NOX4: variants seen among roughly 807,000 people sequenced by gnomAD.
The protein encoded by NOX4 is NADPH oxidase 4.
NOX4 carries 69 observed loss-of-function variants against 87.6 expected under a neutral mutation model. The observed-to-expected ratio is 0.79, with a 90% CI of 0.65 to 0.96. The LOEUF is 0.96. Ranked by LOEUF, NOX4 falls within the 40% of genes least tolerant of loss-of-function variation. The pLI is 0.00. For missense variants in NOX4, 680 were observed against 681.5 expected, an observed-to-expected ratio of 1.00 and a Z score of 0.02; for synonymous variants, 275 against 238.2, an observed-to-expected ratio of 1.15 and a Z score of -1.42.
At chr11:89,329,918 G>C (rs1018687446) in intron 17 of NOX4, among the ~76,000 whole-genome samples, 1 of 151,928 alleles carries the variant, frequency 6.6e-6, no homozygotes, top group African/African-American at 2.4e-5. Context: ...AAATTAGATA[G>C]AAATTTGAAT....
the NOX4 span, among the ~76,000 whole-genome samples, chr11:89,523,708 A>C: frequency 6.6e-6 from 1 of 152,196 alleles, no homozygotes; most frequent in African/African-American, 2.4e-5. Flanking sequence ...GTAGCCTCAA[A>C]TTAGAAGCAA....
chr11:89,460,527 C>A (rs1945411202), intron 2 of NOX4, among the ~76,000 whole-genome samples: 1 of 152,148 alleles, frequency 6.6e-6, no homozygotes, highest in Non-Finnish European at 1.5e-5. Context: ...CAAAAGAAGA[C>A]ATTTATGCAG....
In NOX4 at chr11:89,334,052, A is replaced by T. The variant is rs142463197; in HGVS notation, c.1616+1793T>A. Among the ~76,000 whole-genome samples, 565 of 151,900 alleles carry T rather than the reference A, an allele frequency of 3.7e-3. 2 individuals are homozygous for T. The highest frequency in any genetic ancestry group is 6.1e-3 in the Non-Finnish European group (416 of 67,772). On this transcript the variant is annotated intron_variant, in intron 17 of 17. Transcript: ENST00000263317. ...ACTAACTGTAGGAACCAACAGCCTC[A>T]ATCTATTTCCCTGTAAATAATCTGC...
the NOX4 span, among the ~76,000 whole-genome samples, chr11:89,538,201 A>T: frequency 6.6e-6 from 1 of 152,170 alleles, no homozygotes; most frequent in Admixed American, 6.5e-5. Context: ...CAACTTCCAA[A>T]ACCTGGCTGC....
chr11:89,373,767 A>G (rs971764601), intron 11 of NOX4, among the ~76,000 whole-genome samples: 15 of 152,098 alleles, frequency 9.9e-5, no homozygotes, highest in African/African-American at 2.9e-4. Context: ...TTTAACTACA[A>G]ATCTTGCTAA....
At chr11:89,557,481 C>T in the NOX4 span, among the ~76,000 whole-genome samples, 1 of 152,156 alleles carries the variant, frequency 6.6e-6, no homozygotes, top group East Asian at 1.9e-4. Flanking sequence ...CACTGGCACA[C>T]TGCTGAGTAG....
intron 11 of NOX4, among the ~76,000 whole-genome samples, chr11:89,393,061 T>C (rs995976953): frequency 5.3e-5 from 8 of 152,142 alleles, no homozygotes; most frequent in African/African-American, 1.7e-4. Flanking sequence ...CTGGAAGCTA[T>C]GTTGGACAAC....
At chr11:89,555,454 T>C in the NOX4 span, among the ~76,000 whole-genome samples, 2 of 152,320 alleles carry the variant, frequency 1.3e-5, no homozygotes, top group South Asian at 2.1e-4. Context: ...CACTACACTC[T>C]ACCTGGACAA....
At chr11:89,523,922 C>CA in the NOX4 span, among the ~76,000 whole-genome samples, 1 of 152,080 alleles carries the variant, frequency 6.6e-6, no homozygotes, top group Non-Finnish European at 1.5e-5. Flanking sequence ...TTTAAAAATA[C>CA]AAGCTAATCC....
At chr11:89,441,141 A>G (rs1326044308) in intron 5 of NOX4, among the ~76,000 whole-genome samples, 1 of 152,190 alleles carries the variant, frequency 6.6e-6, no homozygotes, top group Non-Finnish European at 1.5e-5. Context: ...CCAATAAAAT[A>G]TGTAGGGGAT....
chr11:89,556,517 C>T, the NOX4 span, among the ~76,000 whole-genome samples: 50 of 129,980 alleles, frequency 3.8e-4, no homozygotes, highest in East Asian at 0.012. Flanking sequence ...GGTGAAACTC[C>T]ATCAAGGGGA....
chr11:89,422,601 T>C (rs1943139255), intron 7 of NOX4, among the ~76,000 whole-genome samples: 1 of 152,040 alleles, frequency 6.6e-6, no homozygotes, highest in Admixed American at 6.6e-5. Context: ...CCTGGGTGGA[T>C]TTTATATATT....
intron 2 of NOX4, among the ~76,000 whole-genome samples, chr11:89,482,634 C>T (rs190951006): frequency 6.6e-6 from 1 of 152,046 alleles, no homozygotes; most frequent in African/African-American, 2.4e-5. Flanking sequence ...TTCCTTTAAA[C>T]CACCCAGTCT....
At chr11:89,340,788 T>C (rs186069628) in intron 14 of NOX4, among the ~76,000 whole-genome samples, 3 of 152,322 alleles carry the variant, frequency 2.0e-5, no homozygotes, top group Non-Finnish European at 4.4e-5. Flanking sequence ...TCTTCCTTTT[T>C]CATAACATTA....
chr11:89,329,441 T>G (rs556626097), intron 17 of NOX4, among the ~76,000 whole-genome samples: 1 of 131,828 alleles, frequency 7.6e-6, no homozygotes, highest in African/African-American at 2.9e-5. Context: ...AAAATACATG[T>G]AACTGCAGTC....
intron 8 of NOX4, among the ~76,000 whole-genome samples, chr11:89,413,510 C>A (rs1942596701): frequency 6.6e-6 from 1 of 152,028 alleles, no homozygotes; most frequent in South Asian, 2.1e-4. Flanking sequence ...AAAAGGAGAT[C>A]CTCTCATTTT....
At chr11:89,570,614 C>T in the NOX4 span, among the ~76,000 whole-genome samples, 2 of 152,186 alleles carry the variant, frequency 1.3e-5, no homozygotes, top group African/African-American at 4.8e-5. Context: ...GAAAGGATCA[C>T]TTGACCCCAG....
chr11:89,500,827 T>C (rs1947008640), upstream of NOX4, among the ~76,000 whole-genome samples: 1 of 152,140 alleles, frequency 6.6e-6, no homozygotes, highest in Admixed American at 6.6e-5. Flanking sequence ...AGAAATAAAC[T>C]GCTTTATTCA....
chr11:89,484,282 G>A (rs1486578937), intron 2 of NOX4, among the ~76,000 whole-genome samples: 1 of 152,056 alleles, frequency 6.6e-6, no homozygotes, highest in Non-Finnish European at 1.5e-5. Context: ...TTGAGCCTTA[G>A]AATTCTGAAA....
Sources: allele counts gnomAD v4.1 joint callset (sites outside exome capture counted in the v4.1 genomes callset), GRCh38; gene constraint gnomAD v4.1.1; transcripts MANE v1.5; gene names NCBI Gene and HGNC (gene_info 2026-07-23, HGNC 2026-07-21).